Variants in DOCK8 observed in about 807,000 individuals in gnomAD.
DOCK8 encodes the protein dedicator of cytokinesis protein 8.
A neutral mutation model predicts 245.6 loss-of-function variants in DOCK8; 141 were observed. The observed-to-expected ratio is 0.57, with a 90% CI of 0.50 to 0.66. The LOEUF is 0.66. Among genes scored for constraint, DOCK8 ranks in the 30% least tolerant of loss-of-function variants. The pLI is 0.00. For missense variants in DOCK8, 2,965 were observed against 2,603.4 expected, an observed-to-expected ratio of 1.14 and a Z score of -3.02; for synonymous variants, 1,168 against 970.2, an observed-to-expected ratio of 1.20 and a Z score of -3.79.
chr9:461,095 G>A (rs550702073), intron 46 of DOCK8, among the ~76,000 whole-genome samples: 1 of 152,166 alleles, frequency 6.6e-6, no homozygotes, highest in Admixed American at 6.6e-5. Context: ...TTCTTCTTTG[G>A]TGTGTACCGT....
At chr9:392,513 G>T (rs2054245930) in intron 24 of DOCK8, among the ~76,000 whole-genome samples, 1 of 152,146 alleles carries the variant, frequency 6.6e-6, no homozygotes, top group African/African-American at 2.4e-5. Context: ...CTAAAATTAG[G>T]AGGCTGGAGG....
At chr9:427,769 A>C (rs2056554462) in intron 34 of DOCK8, among the ~76,000 whole-genome samples, 1 of 152,220 alleles carries the variant, frequency 6.6e-6, no homozygotes, top group Non-Finnish European at 1.5e-5. Flanking sequence ...CACAAAAAGT[A>C]TGTGATATTT....
intron 6 of DOCK8, among the ~76,000 whole-genome samples, chr9:313,630 G>A (rs2050219929): frequency 6.6e-6 from 1 of 152,180 alleles, no homozygotes; most frequent in Non-Finnish European, 1.5e-5. Context: ...GAAGGTGTTG[G>A]TCAAAGGCCA....
intron 8 of DOCK8, among the ~76,000 whole-genome samples, chr9:327,458 A>C (rs1586708287): frequency 7.3e-6 from 1 of 137,214 alleles, no homozygotes; most frequent in Non-Finnish European, 1.5e-5. Flanking sequence ...CAGTGGGGCG[A>C]TCTTGGCTTA....
In DOCK8 at chr9:332,387, T is replaced by C. The variant is rs1214840407; in HGVS notation, c.1045-11T>C. 4 of 1,591,888 alleles carry C rather than the reference T, an allele frequency of 2.5e-6. No individual in the cohort carries two copies. The highest frequency in any genetic ancestry group is 2.6e-6 in the Non-Finnish European group (3 of 1,159,992). On this transcript the variant is annotated splice_polypyrimidine_tract_variant and intron_variant, in intron 9 of 47. Transcript: ENST00000432829. ...TTATGTGCCTTATTTTAATATTCTT[T>C]TTATTGGTAGATTGAAAAAGTCCTG... is the stretch of plus-strand genomic sequence containing the variant.
At chr9:227,787 A>G (rs1244056607) in intron 1 of DOCK8, among the ~76,000 whole-genome samples, 1 of 152,160 alleles carries the variant, frequency 6.6e-6, no homozygotes. Context: ...AATGGAAAGT[A>G]TAAGGGGAAG....
rs537964672 is a variant in DOCK8, at chr9:352,712, A to C, written c.1679+12391A>C. On this transcript the variant is annotated intron_variant, in intron 14 of 47. Coordinates refer to ENST00000432829, the MANE Select transcript of DOCK8 (RefSeq NM_203447.4). Reference sequence around the variant, plus strand: ...AGCCAAGATCGCGCCACTGCACTCCAGTCCAGTGACAGTGTGAGACTCTGT... The same window carrying C: ...AGCCAAGATCGCGCCACTGCACTCCCGTCCAGTGACAGTGTGAGACTCTGT... Among the ~76,000 whole-genome samples the C allele has an allele frequency of 7.0e-5, 10 of 143,152 alleles. No homozygotes were observed. The East Asian group carries it at 1.8e-3, about 26-fold the overall frequency. The allele number at this position is 143,152 out of a possible 152,430, so 93.9% of individuals were successfully genotyped here. A position where few individuals can be genotyped will look rare whatever the true frequency, so the allele number is the denominator to read the frequency against.
intron 9 of DOCK8, among the ~76,000 whole-genome samples, chr9:331,402 A>C (rs1315054543): frequency 6.6e-6 from 1 of 152,154 alleles, no homozygotes; most frequent in Non-Finnish European, 1.5e-5. Flanking sequence ...CCTGAAGCAG[A>C]TATTCATTGA....
intron 24 of DOCK8, among the ~76,000 whole-genome samples, chr9:394,893 G>A (rs1180564293): frequency 1.3e-5 from 2 of 152,216 alleles, no homozygotes; most frequent in East Asian, 3.8e-4. Context: ...AGAGGCCATT[G>A]GTTGGAAGTA....
intron 28 of DOCK8, 84 bp downstream of exon 28, chr9:407,153 T>G (rs2131550442): frequency 3.8e-6 from 6 of 1,582,160 alleles, no homozygotes; most frequent in Middle Eastern, 3.3e-4. Flanking sequence ...CTTCTCACAC[T>G]TGGTAAAAAA....
intron 2 of DOCK8, among the ~76,000 whole-genome samples, chr9:276,661 A>G (rs1272195295): frequency 1.3e-5 from 2 of 151,872 alleles, no homozygotes; most frequent in African/African-American, 4.8e-5. Flanking sequence ...GTGTAGACTC[A>G]CTTATTGGCT....
chr9:417,632 G>A (rs1217301659), intron 29 of DOCK8, among the ~76,000 whole-genome samples: 2 of 152,104 alleles, frequency 1.3e-5, no homozygotes, highest in African/African-American at 4.8e-5. Flanking sequence ...ACAATAAATT[G>A]ACATTCATTT....
chr9:354,615 C>G (rs767244301), intron 14 of DOCK8, among the ~76,000 whole-genome samples: 1 of 152,138 alleles, frequency 6.6e-6, no homozygotes, highest in East Asian at 1.9e-4. Context: ...CCTAGGCTGC[C>G]GTCACCTCAA....
chr9:448,561 A>G (rs1038830750), intron 44 of DOCK8, among the ~76,000 whole-genome samples: 3 of 152,226 alleles, frequency 2.0e-5, no homozygotes, highest in Non-Finnish European at 2.9e-5. Context: ...TTTGAAATCA[A>G]GGTGCCAGCA....
chr9:390,380 T>A, intron 23 of DOCK8, 91 bp from the exon 24 acceptor site: 1 of 1,200,718 alleles, frequency 8.3e-7, no homozygotes. Context: ...AACAAGCTAT[T>A]AAATTGGGGG....
chr9:308,698 C>T (rs113579497), intron 5 of DOCK8, among the ~76,000 whole-genome samples: 1 of 152,154 alleles, frequency 6.6e-6, no homozygotes, highest in Admixed American at 6.5e-5. Context: ...TGCTCTGTCG[C>T]CTAGGCTGGA....
chr9:212,252 A>G (rs967934429), upstream of DOCK8, among the ~76,000 whole-genome samples: 1 of 152,212 alleles, frequency 6.6e-6, no homozygotes, highest in African/African-American at 2.4e-5. Flanking sequence ...AATGTAGAGA[A>G]AGAGGTCGGC....
intron 4 of DOCK8, among the ~76,000 whole-genome samples, chr9:304,213 G>A (rs1398909154): frequency 6.6e-6 from 1 of 152,070 alleles, no homozygotes; most frequent in Admixed American, 6.6e-5. Flanking sequence ...ATCTTCAAAC[G>A]ATCTCTATTT....
intron 1 of DOCK8, among the ~76,000 whole-genome samples, chr9:217,976 G>C (rs928451939): frequency 1.3e-5 from 2 of 152,168 alleles, no homozygotes; most frequent in African/African-American, 4.8e-5. Context: ...TTTAAAGCAA[G>C]AGGGGAATTA....
Sources: gnomAD v4.1 joint callset for allele counts (sites outside exome capture counted in the v4.1 genomes callset) on GRCh38, gnomAD v4.1.1 for gene constraint, MANE v1.5 for transcripts, NCBI Gene and HGNC (gene_info 2026-07-23, HGNC 2026-07-21) for gene names.